Variants in SETD2 observed in about 807,000 individuals in gnomAD.
The protein encoded by SETD2 is SET domain containing 2, histone lysine methyltransferase.
A neutral mutation model predicts 242.1 loss-of-function variants in SETD2; 31 were observed. That is an observed-to-expected ratio of 0.13 (90% CI 0.10 to 0.17). SETD2 has a LOEUF of 0.17. SETD2 is among the 10% of genes least tolerant of loss of function. The probability of loss-of-function intolerance (pLI) is 1.00; values close to 1 mark genes in which losing one functional copy is unlikely to be tolerated. For missense variants in SETD2, 2,481 were observed against 3,046.3 expected, an observed-to-expected ratio of 0.81 and a Z score of 4.37; for synonymous variants, 1,006 against 1,066.5, an observed-to-expected ratio of 0.94 and a Z score of 1.11.
At chr3:47,131,176 C>T (rs959317942) in intron 1 of SETD2, among the ~76,000 whole-genome samples, 3 of 152,100 alleles carry the variant, frequency 2.0e-5, no homozygotes, top group East Asian at 3.8e-4. Flanking sequence ...GTATTTTTAT[C>T]TACCTTAGAA....
intron 18 of SETD2, among the ~76,000 whole-genome samples, chr3:47,020,736 G>A (rs1404591371): frequency 6.6e-6 from 1 of 152,186 alleles, no homozygotes; most frequent in Admixed American, 6.5e-5. Flanking sequence ...TCTAGAAGCT[G>A]GAGTTGATAT....
intron 17 of SETD2, chr3:47,041,260 C>G (rs1441421577): frequency 3.3e-6 from 1 of 305,880 alleles, no homozygotes; most frequent in Non-Finnish European, 6.7e-6. Context: ...AGCAAATGTG[C>G]ATGGTTGTGC....
chr3:47,082,752 T>C (rs779640325), intron 12 of SETD2, among the ~76,000 whole-genome samples: 7 of 152,168 alleles, frequency 4.6e-5, no homozygotes, highest in Non-Finnish European at 7.4e-5. Context: ...GGAAGCATAG[T>C]ACACAACCAC....
intron 9 of SETD2, among the ~76,000 whole-genome samples, chr3:47,096,031 TAAGC>T (rs1026034024): frequency 2.0e-5 from 3 of 152,006 alleles, no homozygotes; most frequent in Non-Finnish European, 4.4e-5. Context: ...GCTGGGATTA[TAAGC>T]AAGAGCCACC....
Position 47,059,127 on chromosome 3 carries a change from T to C in SETD2, c.6294-1637A>G, listed in dbSNP as rs2040221067. On this transcript the variant is annotated intron_variant, in intron 14 of 20. Coordinates refer to ENST00000409792, the MANE Select transcript of SETD2 (RefSeq NM_014159.7). ...CCTGGCCTTTTTTTTTTTTTTTTTT[T>C]TTTTTTGAGAGGTTGTCTCATTCTT... Among the ~76,000 whole-genome samples the C allele has an allele frequency of 3.4e-5, 5 of 147,600 alleles. No individual in the cohort carries two copies. In the South Asian group the frequency reaches 1.1e-3, roughly 33 times the overall value.
intron 1 of SETD2, among the ~76,000 whole-genome samples, chr3:47,142,267 G>A (rs2043747500): frequency 6.6e-6 from 1 of 152,112 alleles, no homozygotes; most frequent in South Asian, 2.1e-4. Context: ...CAGCACTTTG[G>A]GAGGCTGAGG....
At chr3:47,093,789 C>G (rs917363924) in intron 9 of SETD2, among the ~76,000 whole-genome samples, 1 of 152,148 alleles carries the variant, frequency 6.6e-6, no homozygotes, top group African/African-American at 2.4e-5. Context: ...CACCCCTCAC[C>G]AACAGTGTAT....
chr3:47,097,404 A>G (rs73079622), intron 9 of SETD2, among the ~76,000 whole-genome samples: 138 of 152,304 alleles, frequency 9.1e-4, no homozygotes, highest in Admixed American at 2.1e-3. Context: ...TAGTAACAGG[A>G]TATTCCCCAC....
Position 47,122,027 on chromosome 3 carries a change from A to G in SETD2, c.2609T>C (p.Leu870Ser). ...SSASVNHFDD[L>S]YQPIGSSGIA... ...ACCTGAACTCCCAATAGGTTGATAT[A>G]AATCATCAAAATGATTAACAGAAGC... Residue 870 changes from leucine to serine, a missense_variant, in exon 3 of 21, where the codon TTA becomes TCA. Around this residue, in one of 17 missense-constraint regions of SETD2, gnomAD observed 1,300 missense variants for 1,259.2 expected, o/e 1.03. Transcript: ENST00000409792. 1 of 1,613,736 alleles carries G rather than the reference A, an allele frequency of 6.2e-7. No homozygotes were observed. Among genetic ancestry groups the G allele is most frequent in the Non-Finnish European group, 8.5e-7 (1 of 1,179,778 alleles).
chr3:47,030,454 C>T (rs1046093598), intron 18 of SETD2, among the ~76,000 whole-genome samples: 4 of 151,918 alleles, frequency 2.6e-5, no homozygotes, highest in African/African-American at 4.8e-5. Context: ...CAGTATCAAG[C>T]GGTTTAATAA....
At chr3:47,059,358 C>T (rs940040223) in intron 14 of SETD2, among the ~76,000 whole-genome samples, 3 of 151,832 alleles carry the variant, frequency 2.0e-5, no homozygotes, top group African/African-American at 4.8e-5. Flanking sequence ...TCAAGTGATC[C>T]GCCCGCCTCA....
At chr3:47,147,457 G>T (rs959281082) in intron 1 of SETD2, among the ~76,000 whole-genome samples, 3 of 151,160 alleles carry the variant, frequency 2.0e-5, no homozygotes, top group African/African-American at 7.3e-5. Context: ...CGACTAGCTG[G>T]GACTACAGGC....
At chr3:47,111,332 T>C (rs975845199) in intron 5 of SETD2, among the ~76,000 whole-genome samples, 1 of 152,016 alleles carries the variant, frequency 6.6e-6, no homozygotes, top group Non-Finnish European at 1.5e-5. Flanking sequence ...CTGTGGGATA[T>C]TTGCTTCAAA....
chr3:47,162,737 T>A (rs1559774253), intron 1 of SETD2, among the ~76,000 whole-genome samples: 1 of 152,192 alleles, frequency 6.6e-6, no homozygotes, highest in Non-Finnish European at 1.5e-5. Context: ...GAAACCCCTA[T>A]CAACCGATAA....
At chr3:47,069,053 A>T (rs1313615438) in intron 12 of SETD2, among the ~76,000 whole-genome samples, 1 of 152,098 alleles carries the variant, frequency 6.6e-6, no homozygotes, top group East Asian at 1.9e-4. Context: ...TTGGCCTCCC[A>T]AAGTTCTGGG....
intron 12 of SETD2, among the ~76,000 whole-genome samples, chr3:47,078,057 T>G (rs1176900405): frequency 6.6e-6 from 1 of 152,052 alleles, no homozygotes. Context: ...AATTAGAAAA[T>G]CACCATTTGG....
intron 8 of SETD2, among the ~76,000 whole-genome samples, chr3:47,100,310 G>C (rs1424458626): frequency 6.6e-6 from 1 of 151,760 alleles, no homozygotes; most frequent in Non-Finnish European, 1.5e-5. Context: ...ACCCAGGCTG[G>C]AGTGCAACAG....
In SETD2 at chr3:47,120,342, C is replaced by T. The variant is rs779275813; in HGVS notation, c.4294G>A (p.Glu1432Lys). ...QDRKKVRVEV[E>K]QGETSVPPGS... ...GGGGGCACTGATGTCTCTCCCTGCT[C>T]TACCTCCACTCTAACTTTCTTTCTG... is the stretch of plus-strand genomic sequence containing the variant. The change falls in exon 3 of 21, where the codon GAG (glutamate) becomes AAG (lysine). Residue 1432 changes from glutamate to lysine, a missense_variant. By Grantham distance (56) the Glu-to-Lys change is moderately conservative. Around this residue, in one of 17 missense-constraint regions of SETD2, gnomAD observed 1,300 missense variants for 1,259.2 expected, o/e 1.03. Transcript: ENST00000409792. 6.2e-7 allele frequency: 1 copy of T among 1,613,706 alleles called. No homozygotes were observed. Among genetic ancestry groups the T allele is most frequent in the Non-Finnish European group, 8.5e-7 (1 of 1,179,852 alleles).
At chr3:47,104,223 TAAA>T (rs767312095) in intron 6 of SETD2, among the ~76,000 whole-genome samples, 1 of 136,504 alleles carries the variant, frequency 7.3e-6, no homozygotes, top group Non-Finnish European at 1.6e-5. Context: ...CTCTTTTCAC[TAAA>T]AAAAAAAAAA....
Sources: gnomAD v4.1 joint callset for allele counts (sites outside exome capture counted in the v4.1 genomes callset) on GRCh38, gnomAD v4.1.1 for gene constraint, gnomAD v4.1.1 regional missense constraint, MANE v1.5 for transcripts, NCBI Gene and HGNC (gene_info 2026-07-23, HGNC 2026-07-21) for gene names.